NFKB1: variants seen among roughly 807,000 people sequenced by gnomAD.
NFKB1 encodes the protein nuclear factor kappa B subunit 1.
In NFKB1, 9 loss-of-function variants were observed where a neutral mutation model predicts 105.1. The observed-to-expected ratio is 0.09, with a 90% CI of 0.05 to 0.15. NFKB1 has a LOEUF of 0.15. NFKB1 is among the 10% of genes least tolerant of loss of function. The pLI, the probability that NFKB1 is intolerant of heterozygous loss-of-function variation, is 1.00. For synonymous variants in NFKB1, 440 were observed against 442.2 expected, an observed-to-expected ratio of 1.00 and a Z score of 0.06; for missense variants, 830 against 1,203.7, an observed-to-expected ratio of 0.69 and a Z score of 4.59.
chr4:102,595,024 A>T (rs751158499), intron 13 of NFKB1, 43 bp downstream of exon 13: 5 of 1,342,462 alleles, frequency 3.7e-6, no homozygotes, highest in Non-Finnish European at 5.3e-6. Flanking sequence ...GGAAAAAAAT[A>T]ATTAATGCTA....
intron 8 of NFKB1, 61 bp downstream of exon 8, chr4:102,579,100 A>G: frequency 6.5e-7 from 1 of 1,541,372 alleles, no homozygotes; most frequent in Non-Finnish European, 8.8e-7. Context: ...CTGCCCTGCC[A>G]TTTACTTGCT....
In NFKB1 at chr4:102,597,710, A is replaced by C. The variant is rs748742444; in HGVS notation, c.1637+49A>C. 7.6e-6 allele frequency: 12 copies of C among 1,585,764 alleles called. No individual in the cohort carries two copies. In the South Asian group the frequency reaches 1.3e-4, roughly 17 times the overall value. On this transcript the variant is annotated intron_variant, in intron 15 of 23. Transcript: ENST00000226574. Reference sequence around the variant, plus strand: ...AGGTTGTCCTGGGTGGGGAAGAAGAAGAGCATCGTATAATGCATACTGACT... The same window carrying C: ...AGGTTGTCCTGGGTGGGGAAGAAGACGAGCATCGTATAATGCATACTGACT...
At chr4:102,612,359 A>G (rs752165098) in intron 21 of NFKB1, 75 bp from the exon 22 acceptor site, 61 of 1,484,746 alleles carry the variant, frequency 4.1e-5, no homozygotes, top group Non-Finnish European at 5.4e-5. Context: ...ACAGCAAGCC[A>G]GGCAGCAATG....
chr4:102,511,032 C>A, intron 1 of NFKB1: 2 of 949,882 alleles, frequency 2.1e-6, no homozygotes, highest in Non-Finnish European at 2.8e-6. Flanking sequence ...GTAGGGGAAG[C>A]ATTGCTTGTT....
intron 11 of NFKB1, among the ~76,000 whole-genome samples, chr4:102,589,237 C>T (rs1725975650): frequency 1.3e-5 from 2 of 152,154 alleles, no homozygotes; most frequent in Admixed American, 1.3e-4. Context: ...TGCTGGAATC[C>T]ATGTCAATAG....
intron 5 of NFKB1, among the ~76,000 whole-genome samples, chr4:102,539,612 A>G (rs1253169719): frequency 1.3e-5 from 2 of 152,234 alleles, no homozygotes; most frequent in Non-Finnish European, 2.9e-5. Flanking sequence ...GCAGCAATAA[A>G]GAACTAATTT....
intron 5 of NFKB1, among the ~76,000 whole-genome samples, chr4:102,548,107 A>G (rs1045883477): frequency 6.6e-6 from 1 of 152,096 alleles, no homozygotes; most frequent in Non-Finnish European, 1.5e-5. Context: ...ACTCCAGGGA[A>G]GGCCACACAC....
chr4:102,554,251 A>G (rs1303344188), intron 5 of NFKB1, among the ~76,000 whole-genome samples: 2 of 152,154 alleles, frequency 1.3e-5, no homozygotes, highest in South Asian at 2.1e-4. Context: ...AATTAACCCA[A>G]ATGTTTTTAT....
At chr4:102,539,673 CT>C (rs1741873675) in intron 5 of NFKB1, among the ~76,000 whole-genome samples, 1 of 152,148 alleles carries the variant, frequency 6.6e-6, no homozygotes, top group Non-Finnish European at 1.5e-5. Context: ...AACATTATCT[CT>C]TTTAATCTCT....
chr4:102,589,248 A>AG (rs1258247021), intron 11 of NFKB1, among the ~76,000 whole-genome samples: 2 of 152,250 alleles, frequency 1.3e-5, no homozygotes, highest in African/African-American at 4.8e-5. Context: ...ATGTCAATAG[A>AG]TAACATTTAT....
At chr4:102,520,757 C>CAACA (rs1740523592) in intron 1 of NFKB1, among the ~76,000 whole-genome samples, 1 of 150,848 alleles carries the variant, frequency 6.6e-6, no homozygotes, top group Admixed American at 6.6e-5. Flanking sequence ...AGTTGTCAAT[C>CAACA]AACAGCTCTT....
chr4:102,521,388 A>G (rs1412257207), intron 1 of NFKB1, among the ~76,000 whole-genome samples: 2 of 152,188 alleles, frequency 1.3e-5, no homozygotes, highest in African/African-American at 2.4e-5. Flanking sequence ...CCTCATTGCT[A>G]TCCAAGATGA....
chr4:102,511,512 C>CA (rs1320474552), intron 1 of NFKB1, among the ~76,000 whole-genome samples: 1 of 151,940 alleles, frequency 6.6e-6, no homozygotes, highest in East Asian at 1.9e-4. Flanking sequence ...CCAGTCTCTA[C>CA]AAAAAATTTA....
chr4:102,567,211 C>T, intron 6 of NFKB1, 76 bp downstream of exon 6: 2 of 1,475,158 alleles, frequency 1.4e-6, no homozygotes, highest in Non-Finnish European at 1.9e-6. Flanking sequence ...AATGAACAGG[C>T]CCCTTTCATT....
intron 5 of NFKB1, among the ~76,000 whole-genome samples, chr4:102,551,574 A>G (rs1722617912): frequency 3.3e-5 from 5 of 152,134 alleles, no homozygotes; most frequent in Admixed American, 3.3e-4. Context: ...CCAAACCTAC[A>G]TCATTGTCTT....
intron 6 of NFKB1, among the ~76,000 whole-genome samples, chr4:102,570,051 A>G (rs1201564020): frequency 6.6e-6 from 1 of 152,156 alleles, no homozygotes; most frequent in Non-Finnish European, 1.5e-5. Context: ...CATGGAAAAT[A>G]TCTGTGTTCC....
chr4:102,535,246 C>T (rs528888835), intron 4 of NFKB1, among the ~76,000 whole-genome samples: 118 of 152,260 alleles, frequency 7.7e-4, no homozygotes, highest in Non-Finnish European at 1.5e-3. Flanking sequence ...CAGAAATCAA[C>T]TGAAATTTGT....
chr4:102,609,157 TC>T (rs1728124837), intron 19 of NFKB1, among the ~76,000 whole-genome samples: 1 of 68,908 alleles, frequency 1.5e-5, no homozygotes. Context: ...AGACCCTGTC[TC>T]AAAAAAAAAA....
intron 16 of NFKB1, among the ~76,000 whole-genome samples, chr4:102,601,482 GA>G (rs4648087): frequency 0.023 from 3,438 of 152,340 alleles, 63 homozygotes; most frequent in African/African-American, 0.057. Flanking sequence ...GCTTGAGGAG[GA>G]AAAGGTGTCT....
Sources: gnomAD v4.1 joint callset for allele counts (sites outside exome capture counted in the v4.1 genomes callset) on GRCh38, gnomAD v4.1.1 for gene constraint, MANE v1.5 for transcripts, NCBI Gene and HGNC (gene_info 2026-07-23, HGNC 2026-07-21) for gene names.